The following SCAPER variants were observed in gnomAD, a reference collection of about 807,000 sequenced individuals.
SCAPER encodes S-phase cyclin A associated protein in the ER.
SCAPER carries 98 observed loss-of-function variants against 182.2 expected under a neutral mutation model. That is an observed-to-expected ratio of 0.54 (90% CI 0.46 to 0.64). SCAPER has a LOEUF of 0.64. Among genes scored for constraint, SCAPER ranks in the 30% least tolerant of loss-of-function variants. The pLI, the probability that SCAPER is intolerant of heterozygous loss-of-function variation, is 0.00. For synonymous variants in SCAPER, 605 were observed against 564.6 expected (o/e 1.07, Z -1.01); for missense variants, 1,432 against 1,690.0 (o/e 0.85, Z 2.68).
chr15:76,567,371 G>A (rs188792069), intron 23 of SCAPER: 15 of 454,198 alleles, frequency 3.3e-5, no homozygotes, highest in Admixed American at 3.1e-4. Context: ...ATCTTGCCTG[G>A]TGGATATATG....
At chr15:76,553,315 C>T (rs918715394) in intron 23 of SCAPER, among the ~76,000 whole-genome samples, 7 of 152,214 alleles carry the variant, frequency 4.6e-5, no homozygotes, top group East Asian at 1.9e-4. Context: ...ATATGGACAC[C>T]GGTGCCCCTG....
intron 30 of SCAPER, among the ~76,000 whole-genome samples, chr15:76,352,280 ATTT>A (rs36061504): frequency 6.7e-6 from 1 of 149,332 alleles, no homozygotes; most frequent in Non-Finnish European, 1.5e-5. Flanking sequence ...TGTTTTACTA[ATTT>A]TTTTTTTGTC....
At chr15:76,857,593 G>A (rs534830820) in intron 4 of SCAPER, among the ~76,000 whole-genome samples, 8 of 152,130 alleles carry the variant, frequency 5.3e-5, no homozygotes, top group South Asian at 2.1e-4. Flanking sequence ...TGCTTACATC[G>A]AAGGGTACGA....
rs539964715 is a variant in SCAPER, at chr15:76,689,048, C to T, written c.2508+12710G>A. On this transcript the variant is annotated intron_variant, in intron 20 of 31. Coordinates refer to ENST00000563290, the MANE Select transcript of SCAPER (RefSeq NM_020843.4). ...TATTTTTAGTAGAGACAGGGTTTCA[C>T]CATGTTAGCCAGGATGGTCTCGATC... is the stretch of plus-strand genomic sequence containing the variant. 2.1e-4 allele frequency among the ~76,000 whole-genome samples: 32 copies of T among 151,972 alleles called. No individual in the cohort carries two copies. The South Asian group carries it at 6.7e-3, about 32-fold the overall frequency.
At chr15:76,785,195 C>T (rs945234381) in intron 8 of SCAPER, among the ~76,000 whole-genome samples, 4 of 151,908 alleles carry the variant, frequency 2.6e-5, no homozygotes, top group African/African-American at 7.3e-5. Context: ...AAAAAAACAA[C>T]CCCATCAAAA....
At chr15:76,678,081 T>G (rs1242083305) in intron 20 of SCAPER, among the ~76,000 whole-genome samples, 1 of 152,044 alleles carries the variant, frequency 6.6e-6, no homozygotes, top group Non-Finnish European at 1.5e-5. Context: ...TAATAGAATT[T>G]AGAATATTCA....
At chr15:76,848,323 GTTTTTTTTTTTT>G (rs60859623) in intron 4 of SCAPER, among the ~76,000 whole-genome samples, 1 of 132,308 alleles carries the variant, frequency 7.6e-6, no homozygotes, top group Non-Finnish European at 1.6e-5. Flanking sequence ...TTTTTTTGGG[GTTTTTTTTTTTT>G]TTTTTTTTTT....
intron 21 of SCAPER, among the ~76,000 whole-genome samples, chr15:76,643,453 G>A (rs560701161): frequency 8.6e-5 from 13 of 152,016 alleles, no homozygotes; most frequent in Admixed American, 3.3e-4. Flanking sequence ...AGGCCAAGGC[G>A]GGTGTATCAC....
chr15:76,744,958 C>T (rs2061719655), intron 15 of SCAPER, among the ~76,000 whole-genome samples: 1 of 152,084 alleles, frequency 6.6e-6, no homozygotes, highest in South Asian at 2.1e-4. Flanking sequence ...GAATACTACG[C>T]AACCAAAAGA....
chr15:76,574,199 C>A lies in SCAPER; in HGVS notation c.2797G>T (p.Asp933Tyr). ...CTAGTGATCTCTCCTAGGGTCCGAT[C>A]CAAAGCAGACACTTTATTGTTTGCC... is the stretch of plus-strand genomic sequence containing the variant. ...SWANNKVSAL[D>Y]RTLGEITRIL... The change falls in exon 23 of 32, where the codon GAT (aspartate) becomes TAT (tyrosine). Residue 933 changes from aspartate (D) to tyrosine (Y), a missense_variant. This residue lies in a region of SCAPER where 718 missense variants were observed against 799.7 expected (regional missense o/e 0.90). Coordinates refer to ENST00000563290, the MANE Select transcript of SCAPER (RefSeq NM_020843.4). 6.2e-7 allele frequency: 1 copy of A among 1,610,370 alleles called. No homozygotes were observed.
chr15:76,390,237 G>C (rs1036426206), intron 27 of SCAPER, among the ~76,000 whole-genome samples: 1 of 152,142 alleles, frequency 6.6e-6, no homozygotes, highest in Non-Finnish European at 1.5e-5. Context: ...TTGCAGCCGT[G>C]AGCCACTGTG....
chr15:76,552,378 T>A (rs2045850857), intron 23 of SCAPER, among the ~76,000 whole-genome samples: 1 of 152,052 alleles, frequency 6.6e-6, no homozygotes, highest in Admixed American at 6.6e-5. Flanking sequence ...TCCGCAAGAC[T>A]GGCACACTCT....
chr15:76,667,538 T>C (rs1283163156), intron 20 of SCAPER, among the ~76,000 whole-genome samples: 1 of 147,908 alleles, frequency 6.8e-6, no homozygotes, highest in African/African-American at 2.5e-5. Context: ...TCTCCTCGAA[T>C]TGCCTGAAAC....
intron 5 of SCAPER, among the ~76,000 whole-genome samples, chr15:76,839,054 T>C (rs1443340460): frequency 1.3e-5 from 2 of 152,218 alleles, no homozygotes; most frequent in African/African-American, 4.8e-5. Context: ...TAGCAATTTA[T>C]GTAGTAAAGT....
intron 8 of SCAPER, among the ~76,000 whole-genome samples, chr15:76,781,839 G>A (rs577005941): frequency 1.2e-3 from 187 of 152,292 alleles, no homozygotes; most frequent in Non-Finnish European, 2.3e-3. Flanking sequence ...AGCAAATGCT[G>A]AGAGATTTTC....
At chr15:76,788,329 T>G (rs772928062) in intron 8 of SCAPER, among the ~76,000 whole-genome samples, 1 of 152,212 alleles carries the variant, frequency 6.6e-6, no homozygotes, top group East Asian at 1.9e-4. Flanking sequence ...TTTAAACAAG[T>G]AAACTACATG....
At chr15:76,557,999 C>T (rs1156323002) in intron 23 of SCAPER, among the ~76,000 whole-genome samples, 1 of 152,104 alleles carries the variant, frequency 6.6e-6, no homozygotes, top group Non-Finnish European at 1.5e-5. Flanking sequence ...AAAATCAATT[C>T]AAAATGGATT....
At chr15:76,528,650 T>C (rs2043389963) in intron 23 of SCAPER, among the ~76,000 whole-genome samples, 1 of 152,212 alleles carries the variant, frequency 6.6e-6, no homozygotes, top group South Asian at 2.1e-4. Context: ...ACCATCTCAC[T>C]TGAATATCCA....
intron 31 of SCAPER, chr15:76,350,046 TGAAATTGTTTTGTAAGAACA>T (rs1283888687): frequency 2.0e-5 from 3 of 152,216 alleles, no homozygotes; most frequent in African/African-American, 7.2e-5. Context: ...TTATTCAAAA[TGAAATTGTTTTGTAAGAACA>T]GTAACACATT....
Sources: allele counts gnomAD v4.1 joint callset (sites outside exome capture counted in the v4.1 genomes callset), GRCh38; gene constraint gnomAD v4.1.1; regional missense constraint gnomAD v4.1.1; transcripts MANE v1.5; gene names NCBI Gene and HGNC (gene_info 2026-07-23, HGNC 2026-07-21).